Variants in ZNF385D observed in about 807,000 individuals in gnomAD.
ZNF385D encodes the protein zinc finger protein 659.
ZNF385D carries 15 observed loss-of-function variants against 35.8 expected under a neutral mutation model. That is an observed-to-expected ratio of 0.42 (90% CI 0.28 to 0.64). The LOEUF (loss-of-function observed/expected upper bound fraction) is 0.64, where lower values mean the gene tolerates loss of function less well. ZNF385D is among the 30% of genes least tolerant of loss of function. ZNF385D has a pLI of 0.23. For missense variants in ZNF385D, 474 were observed against 494.6 expected (o/e 0.96, Z 0.39); for synonymous variants, 212 against 186.8 (o/e 1.13, Z -1.10).
upstream of ZNF385D, among the ~76,000 whole-genome samples, chr3:21,755,571 C>T (rs1400435068): frequency 6.6e-6 from 1 of 152,168 alleles, no homozygotes; most frequent in Non-Finnish European, 1.5e-5. Context: ...ACATTTTTCT[C>T]ACCAAAAGAC....
chr3:21,952,417 A>G (rs1702107030), intron 3 of ZNF385D, among the ~76,000 whole-genome samples: 1 of 152,062 alleles, frequency 6.6e-6, no homozygotes, highest in African/African-American at 2.4e-5. Context: ...TCAACATGAT[A>G]CAAAATTGTT....
chr3:22,132,450 G>T (rs1025003956), intron 3 of ZNF385D, among the ~76,000 whole-genome samples: 1 of 151,986 alleles, frequency 6.6e-6, no homozygotes, highest in Non-Finnish European at 1.5e-5. Flanking sequence ...AACACACTAA[G>T]ACAAATGATA....
chr3:21,515,438 C>T (rs1707498212), intron 3 of ZNF385D, among the ~76,000 whole-genome samples: 2 of 152,182 alleles, frequency 1.3e-5, no homozygotes, highest in South Asian at 4.1e-4. Flanking sequence ...TCAAAAAGAA[C>T]AAGGTAGCCT....
chr3:22,097,067 T>C (rs1273713968), intron 3 of ZNF385D, among the ~76,000 whole-genome samples: 3 of 151,984 alleles, frequency 2.0e-5, no homozygotes, highest in African/African-American at 4.8e-5. Flanking sequence ...CTGCATTATC[T>C]TGTCAGCTAT....
chr3:21,944,091 A>G (rs989722004), intron 3 of ZNF385D, among the ~76,000 whole-genome samples: 1 of 152,230 alleles, frequency 6.6e-6, no homozygotes, highest in Non-Finnish European at 1.5e-5. Flanking sequence ...ATTGTACTTA[A>G]GTAAAAGGAT....
chr3:22,177,465 C>G (rs1392450399), intron 2 of ZNF385D, among the ~76,000 whole-genome samples: 1 of 152,158 alleles, frequency 6.6e-6, no homozygotes, highest in Non-Finnish European at 1.5e-5. Context: ...TGTTAAGTAC[C>G]TGCCATGTGC....
At chr3:22,255,404 A>G (rs1360326587) in intron 2 of ZNF385D, among the ~76,000 whole-genome samples, 1 of 151,844 alleles carries the variant, frequency 6.6e-6, no homozygotes, top group Non-Finnish European at 1.5e-5. Flanking sequence ...TACAGATATG[A>G]AATAACTTAC....
chr3:21,476,960 T>C (rs976669523), intron 4 of ZNF385D, among the ~76,000 whole-genome samples: 2 of 152,176 alleles, frequency 1.3e-5, no homozygotes, highest in Admixed American at 6.6e-5. Flanking sequence ...AACCATTCTA[T>C]GTCACCAATT....
At chr3:21,499,615 C>A (rs1706214313) in intron 4 of ZNF385D, among the ~76,000 whole-genome samples, 1 of 151,394 alleles carries the variant, frequency 6.6e-6, no homozygotes, top group Non-Finnish European at 1.5e-5. Flanking sequence ...TTCAAATGCA[C>A]CACTAAACCT....
chr3:21,909,316 A>G (rs1042474255), intron 3 of ZNF385D, among the ~76,000 whole-genome samples: 2 of 152,072 alleles, frequency 1.3e-5, no homozygotes, highest in African/African-American at 4.8e-5. Flanking sequence ...TTATGCAGCA[A>G]AAGTTCATGT....
chr3:21,482,324 A>G (rs1412065631), intron 4 of ZNF385D, among the ~76,000 whole-genome samples: 1 of 152,188 alleles, frequency 6.6e-6, no homozygotes, highest in East Asian at 1.9e-4. Flanking sequence ...TTTTTGGAAC[A>G]CTGGCCATGA....
chr3:22,179,907 G>C lies in ZNF385D; in HGVS notation c.107-10872C>G, dbSNP rs375468603. On this transcript the variant is annotated intron_variant, in intron 2 of 5. Coordinates refer to the ZNF385D transcript ENST00000494108. ...GAAGCAAGAGCAAACACATTCAAAAGCTAGCAGAAGGCAAGAAATAACAAA... is the reference window on the plus strand; with the variant it reads ...GAAGCAAGAGCAAACACATTCAAAACCTAGCAGAAGGCAAGAAATAACAAA... 3.3e-5 allele frequency among the ~76,000 whole-genome samples: 5 copies of C among 152,184 alleles called. No individual in the cohort carries two copies. In the East Asian group the frequency reaches 5.8e-4, roughly 18 times the overall value.
intron 3 of ZNF385D, among the ~76,000 whole-genome samples, chr3:22,045,994 G>C (rs1422248259): frequency 6.6e-6 from 1 of 151,988 alleles, no homozygotes; most frequent in Non-Finnish European, 1.5e-5. Flanking sequence ...ATGAGGGAGG[G>C]AATCTGAATG....
At chr3:21,876,329 C>CA (rs1294845375) in intron 3 of ZNF385D, among the ~76,000 whole-genome samples, 11 of 151,396 alleles carry the variant, frequency 7.3e-5, no homozygotes, top group Admixed American at 5.3e-4. Flanking sequence ...TGTCTTCATT[C>CA]AGCCTGGTCA....
intron 3 of ZNF385D, among the ~76,000 whole-genome samples, chr3:21,916,572 T>C (rs1358198604): frequency 6.6e-6 from 1 of 152,220 alleles, no homozygotes; most frequent in Non-Finnish European, 1.5e-5. Context: ...CGATTACATA[T>C]GCTTTGGCAT....
At chr3:21,518,056 T>C (rs961573695) in intron 3 of ZNF385D, among the ~76,000 whole-genome samples, 2 of 152,168 alleles carry the variant, frequency 1.3e-5, no homozygotes, top group Non-Finnish European at 2.9e-5. Context: ...ACTCTAAAGT[T>C]TAAAAACTAT....
At chr3:21,520,194 A>T (rs1329795944) in intron 3 of ZNF385D, among the ~76,000 whole-genome samples, 3 of 152,156 alleles carry the variant, frequency 2.0e-5, no homozygotes, top group Non-Finnish European at 4.4e-5. Context: ...AGATGTTGGG[A>T]TGCCACCTTC....
At chr3:22,090,755 A>C (rs1385034283) in intron 3 of ZNF385D, among the ~76,000 whole-genome samples, 3 of 152,262 alleles carry the variant, frequency 2.0e-5, no homozygotes, top group Middle Eastern at 3.4e-3. Flanking sequence ...ACCAAATGAA[A>C]TTGACAACAC....
chr3:22,156,042 A>G (rs992259052), intron 3 of ZNF385D, among the ~76,000 whole-genome samples: 2 of 152,086 alleles, frequency 1.3e-5, no homozygotes, highest in Non-Finnish European at 2.9e-5. Context: ...ATGACATCCT[A>G]GAGTAGGGAT....
Sources: gnomAD v4.1 joint callset for allele counts (sites outside exome capture counted in the v4.1 genomes callset) on GRCh38, gnomAD v4.1.1 for gene constraint, MANE v1.5 for transcripts, NCBI Gene and HGNC (gene_info 2026-07-23, HGNC 2026-07-21) for gene names.